Variants in KLHL1 observed in about 807,000 individuals in gnomAD.
The protein encoded by KLHL1 is kelch like family member 1.
A neutral mutation model predicts 77.7 loss-of-function variants in KLHL1; 47 were observed. The observed-to-expected ratio is 0.60, with a 90% confidence interval of 0.48 to 0.77. The LOEUF (loss-of-function observed/expected upper bound fraction) is 0.77. Ranked by LOEUF, KLHL1 falls within the 30% of genes least tolerant of loss-of-function variation. KLHL1 has a pLI of 0.00. For synonymous variants in KLHL1, 360 were observed against 325.2 expected, an observed-to-expected ratio of 1.11 and a Z score of -1.15; for missense variants, 925 against 910.8, an observed-to-expected ratio of 1.02 and a Z score of -0.20.
At chr13:69,960,316 A>G (rs1481739856) in intron 3 of KLHL1, among the ~76,000 whole-genome samples, 1 of 151,908 alleles carries the variant, frequency 6.6e-6, no homozygotes. Context: ...TCCTTAAACT[A>G]CGTTCCTGCT....
intron 7 of KLHL1, among the ~76,000 whole-genome samples, chr13:69,775,784 G>A (rs781736906): frequency 2.0e-5 from 3 of 151,170 alleles, no homozygotes; most frequent in Admixed American, 6.6e-5. Context: ...TCTGCCTCCC[G>A]GGTTCAAGCA....
intron 3 of KLHL1, among the ~76,000 whole-genome samples, chr13:69,946,347 C>A (rs1444855984): frequency 1.3e-5 from 2 of 151,686 alleles, no homozygotes; most frequent in Non-Finnish European, 2.9e-5. Context: ...ATCAATAAAG[C>A]TTTAAAAAAG....
At chr13:69,884,426 C>CA (rs60883710) in intron 4 of KLHL1, among the ~76,000 whole-genome samples, 4,414 of 64,276 alleles carry the variant, frequency 0.069, 89 homozygotes, top group Middle Eastern at 0.092. Flanking sequence ...TCAGATTTTT[C>CA]AAAAAAAAAA....
chr13:69,794,953 G>A (rs1877038391), intron 7 of KLHL1, among the ~76,000 whole-genome samples: 2 of 152,138 alleles, frequency 1.3e-5, no homozygotes, highest in Admixed American at 6.6e-5. Flanking sequence ...GAAGATGGAA[G>A]GAGGTAAATC....
intron 1 of KLHL1, among the ~76,000 whole-genome samples, chr13:70,043,756 T>C (rs1224859471): frequency 2.0e-5 from 3 of 152,194 alleles, no homozygotes; most frequent in African/African-American, 7.2e-5. Context: ...GGCTGTACCA[T>C]CTCAGTTTAT....
chr13:70,075,441 T>C (rs1887237601), intron 1 of KLHL1, among the ~76,000 whole-genome samples: 1 of 150,462 alleles, frequency 6.6e-6, no homozygotes, highest in Non-Finnish European at 1.5e-5. Context: ...CAAAATTTTA[T>C]TAAAAAAAAC....
chr13:69,885,614 A>T (rs1397131634), intron 4 of KLHL1, among the ~76,000 whole-genome samples: 1 of 152,124 alleles, frequency 6.6e-6, no homozygotes, highest in Non-Finnish European at 1.5e-5. Flanking sequence ...AGTTTCTTAC[A>T]TTGCTTGCAT....
intron 4 of KLHL1, among the ~76,000 whole-genome samples, chr13:69,908,260 T>C (rs1882108887): frequency 1.3e-5 from 2 of 150,920 alleles, no homozygotes; most frequent in East Asian, 2.0e-4. Flanking sequence ...GTGAGAGGGA[T>C]AGAGAGAGAG....
At chr13:69,798,531 G>T (rs1273230985) in intron 6 of KLHL1, among the ~76,000 whole-genome samples, 1 of 151,744 alleles carries the variant, frequency 6.6e-6, no homozygotes, top group Non-Finnish European at 1.5e-5. Flanking sequence ...TTATTGTTAG[G>T]ATAAAAATAA....
chr13:69,758,308 C>T (rs1204595893), intron 7 of KLHL1, among the ~76,000 whole-genome samples: 2 of 152,094 alleles, frequency 1.3e-5, no homozygotes, highest in Non-Finnish European at 2.9e-5. Flanking sequence ...TAAACCAATT[C>T]ATTTAATCCT....
At chr13:69,753,311 A>C (rs1027876137) in intron 7 of KLHL1, among the ~76,000 whole-genome samples, 3 of 152,178 alleles carry the variant, frequency 2.0e-5, no homozygotes, top group Non-Finnish European at 4.4e-5. Context: ...TAACCAATTG[A>C]AGTAAAAATT....
At chr13:69,818,217 A>ATTTTTTTTTTTTTTTTTTTTTTTTTTT (rs1878195724) in intron 6 of KLHL1, among the ~76,000 whole-genome samples, 2 of 124,418 alleles carry the variant, frequency 1.6e-5, no homozygotes, top group African/African-American at 3.9e-5. Flanking sequence ...ACTCATAGGC[A>ATTTTTTTTTTTTTTTTTTTTTTTTTTT]TCTTTTTTTT....
At chr13:70,028,221 T>C (rs1886005218) in intron 1 of KLHL1, among the ~76,000 whole-genome samples, 2 of 152,198 alleles carry the variant, frequency 1.3e-5, no homozygotes, top group African/African-American at 4.8e-5. Flanking sequence ...AATACCTTTG[T>C]TAAGAATTAT....
At chr13:69,846,323 G>A (rs74092607) in intron 5 of KLHL1, among the ~76,000 whole-genome samples, 2,285 of 151,484 alleles carry the variant, frequency 0.015, 55 homozygotes, top group African/African-American at 0.052. Flanking sequence ...TAACTGATGC[G>A]TTATAGGGTA....
chr13:70,088,108 C>A (rs1441828489), intron 1 of KLHL1, among the ~76,000 whole-genome samples: 2 of 152,070 alleles, frequency 1.3e-5, no homozygotes, highest in Non-Finnish European at 2.9e-5. Context: ...TTAAAAGAAG[C>A]TCAAACACTT....
At chr13:69,754,308 G>A (rs984121996) in intron 7 of KLHL1, among the ~76,000 whole-genome samples, 33 of 152,124 alleles carry the variant, frequency 2.2e-4, no homozygotes, top group African/African-American at 7.7e-4. Context: ...GTTATTCAGG[G>A]ATGTTAAAAA....
chr13:70,023,545 T>C (rs1157369410), intron 1 of KLHL1, among the ~76,000 whole-genome samples: 2 of 151,970 alleles, frequency 1.3e-5, no homozygotes, highest in Admixed American at 1.3e-4. Flanking sequence ...TATGTTGTTA[T>C]TTTTTAATCT....
chr13:69,981,224 T>C (rs60339895), intron 1 of KLHL1, among the ~76,000 whole-genome samples: 23,025 of 151,898 alleles, frequency 0.15, 3,686 homozygotes, highest in African/African-American at 0.41. Flanking sequence ...ATGACAATAC[T>C]AAAATTACAC....
At chr13:70,075,758 C>CATAT (rs1388612445) in intron 1 of KLHL1, among the ~76,000 whole-genome samples, 1 of 73,678 alleles carries the variant, frequency 1.4e-5, no homozygotes, top group Admixed American at 1.8e-4. Flanking sequence ...CACATACACA[C>CATAT]ACATATATAT....
Sources: gnomAD v4.1 joint callset for allele counts (sites outside exome capture counted in the v4.1 genomes callset) on GRCh38, gnomAD v4.1.1 for gene constraint, MANE v1.5 for transcripts, NCBI Gene and HGNC (gene_info 2026-07-23, HGNC 2026-07-21) for gene names.